SLTM: variants seen among roughly 807,000 people sequenced by gnomAD.
SLTM encodes SAFB-like transcription modulator.
Under a neutral mutation model 134.6 loss-of-function variants are expected in SLTM, and 43 were observed. That is an observed-to-expected ratio of 0.32 (90% CI 0.25 to 0.41). The LOEUF (loss-of-function observed/expected upper bound fraction) is 0.41. Ranked by LOEUF, SLTM falls within the 10% of genes least tolerant of loss-of-function variation. The probability of loss-of-function intolerance (pLI) is 1.00; values close to 1 mark genes in which losing one functional copy is unlikely to be tolerated. For synonymous variants in SLTM, 424 were observed against 432.3 expected (o/e 0.98, Z 0.24); for missense variants, 1,055 against 1,288.8 (o/e 0.82, Z 2.78).
chr15:58,907,903 A>C (rs2035976783), intron 5 of SLTM, among the ~76,000 whole-genome samples: 1 of 152,070 alleles, frequency 6.6e-6, no homozygotes, highest in Non-Finnish European at 1.5e-5. Context: ...AAGTCTACCT[A>C]GTATAACTTC....
At chr15:58,902,951 G>C (rs1327263867) in intron 5 of SLTM, among the ~76,000 whole-genome samples, 1 of 151,770 alleles carries the variant, frequency 6.6e-6, no homozygotes, top group African/African-American at 2.4e-5. Flanking sequence ...ACCCAGGCTG[G>C]AGTGCAGTGG....
At chr15:58,909,413 T>C (rs2036099787) in intron 5 of SLTM, among the ~76,000 whole-genome samples, 1 of 152,034 alleles carries the variant, frequency 6.6e-6, no homozygotes, top group South Asian at 2.1e-4. Context: ...ATTCTGAAAA[T>C]TGGTAAATAA....
intron 16 of SLTM, chr15:58,889,105 T>C (rs1381149569): frequency 4.4e-6 from 1 of 227,076 alleles, no homozygotes; most frequent in Admixed American, 5.1e-5. Context: ...CAATCTCAAG[T>C]TTATGACTTC....
At chr15:58,893,464 C>T (rs2034825305) in intron 12 of SLTM, 100 bp from the exon 13 acceptor site, 1 of 784,762 alleles carries the variant, frequency 1.3e-6, no homozygotes, top group Non-Finnish European at 2.0e-6. Context: ...CACACCAATA[C>T]ATGAAATAAA....
At chr15:58,925,389 G>T (rs1216779272) in intron 2 of SLTM, among the ~76,000 whole-genome samples, 1 of 152,176 alleles carries the variant, frequency 6.6e-6, no homozygotes, top group African/African-American at 2.4e-5. Context: ...CCAGGCTGGA[G>T]TGCAGTGGCA....
intron 2 of SLTM, among the ~76,000 whole-genome samples, chr15:58,919,423 T>C (rs961428360): frequency 6.6e-6 from 1 of 152,068 alleles, no homozygotes; most frequent in South Asian, 2.1e-4. Context: ...GTGAGATCCC[T>C]ATCTCTTCAA....
chr15:58,907,411 C>T (rs1044129980), intron 5 of SLTM, among the ~76,000 whole-genome samples: 5 of 152,136 alleles, frequency 3.3e-5, no homozygotes, highest in African/African-American at 1.2e-4. Flanking sequence ...TGCTTGGGCT[C>T]AGGAGTTTGA....
In SLTM at chr15:58,933,153, G is replaced by A. The variant is rs977727479; in HGVS notation, c.162+251C>T. Among the ~76,000 whole-genome samples the A allele has an allele frequency of 2.0e-5, 3 of 151,976 alleles. No homozygotes were observed. In the East Asian group the frequency reaches 5.8e-4, roughly 29 times the overall value. ...CCTCGCAGCCTGGCGGGGACGTCCC[G>A]GGGAGGCGGAGGCACGCTGGGCTGC... On this transcript the variant is annotated intron_variant, in intron 1 of 20. Transcript: ENST00000380516.
chr15:58,914,648 G>A (rs2036506103), intron 3 of SLTM, among the ~76,000 whole-genome samples: 1 of 152,166 alleles, frequency 6.6e-6, no homozygotes. Context: ...GAAAGATCAA[G>A]GGAAGTTACC....
chr15:58,885,735 G>A (rs2034126856), intron 19 of SLTM, among the ~76,000 whole-genome samples: 1 of 152,038 alleles, frequency 6.6e-6, no homozygotes, highest in African/African-American at 2.4e-5. Flanking sequence ...CGTGAGCCGA[G>A]ATCGCACCAC....
At chr15:58,912,515 G>A (rs904168388) in intron 5 of SLTM, 48 bp downstream of exon 5, 10 of 1,473,468 alleles carry the variant, frequency 6.8e-6, no homozygotes, top group Non-Finnish European at 8.5e-6. Flanking sequence ...CCTTTTCCAA[G>A]CCCGTCCACC....
At chr15:58,929,851 C>T (rs116054441) in intron 2 of SLTM, among the ~76,000 whole-genome samples, 421 of 152,180 alleles carry the variant, frequency 2.8e-3, no homozygotes, top group African/African-American at 9.6e-3. Context: ...TGATCAGTAG[C>T]GCTTGGAATT....
intron 19 of SLTM, 135 bp downstream of exon 19, chr15:58,886,840 A>C (rs2034248380): frequency 1.9e-6 from 2 of 1,066,578 alleles, no homozygotes; most frequent in African/African-American, 3.2e-5. Context: ...AATTTAAATA[A>C]AAAATTAATG....
At chr15:58,917,068 T>G (rs2036702512) in intron 2 of SLTM, 69 bp from the exon 3 acceptor site, 2 of 1,449,350 alleles carry the variant, frequency 1.4e-6, no homozygotes, top group Admixed American at 1.7e-5. Context: ...TATTCAGAGT[T>G]TACCCTGCAA....
chr15:58,908,634 G>A (rs1308721934), intron 5 of SLTM, among the ~76,000 whole-genome samples: 1 of 151,958 alleles, frequency 6.6e-6, no homozygotes, highest in Non-Finnish European at 1.5e-5. Context: ...CTTCCAAAGT[G>A]CTGTGATTAC....
chr15:58,901,272 C>T lies in SLTM; in HGVS notation c.577G>A (p.Glu193Lys), dbSNP rs754144680. 1 of 1,605,200 alleles carries T rather than the reference C, an allele frequency of 6.2e-7. No individual in the cohort carries two copies. Among genetic ancestry groups the T allele is most frequent in the Non-Finnish European group, 8.5e-7 (1 of 1,176,594 alleles). Residue 193 changes from glutamate to lysine, a missense_variant, in exon 6 of 21, where the codon GAA (glutamate) becomes AAA (lysine). Physicochemically the swap from Glu to Lys is moderately conservative, Grantham distance 56. Coordinates refer to ENST00000380516, the MANE Select transcript of SLTM (RefSeq NM_024755.4). ...FLTAQDGEEE[E>K]NEKDIAGSGD... is the part of the protein sequence containing the mutation. ...GCATCAAACATACCTTTCTCATTTTCTTCTTCCTCACCATCCTGAAATTCA... is the reference window on the plus strand; with the variant it reads ...GCATCAAACATACCTTTCTCATTTTTTTCTTCCTCACCATCCTGAAATTCA...
At chr15:58,892,856 C>T (rs755630603) in intron 14 of SLTM, 41 bp downstream of exon 14, 2 of 1,555,858 alleles carry the variant, frequency 1.3e-6, no homozygotes, top group Non-Finnish European at 1.7e-6. Flanking sequence ...TAAATATTTA[C>T]CTATATTTAA....
chr15:58,884,800 A>T (rs2034048189), intron 19 of SLTM, among the ~76,000 whole-genome samples: 1 of 151,812 alleles, frequency 6.6e-6, no homozygotes, highest in Non-Finnish European at 1.5e-5. Context: ...GCCCATCTTT[A>T]ATTTTAATTT....
At chr15:58,890,047 G>A in intron 15 of SLTM, 1 of 550,918 alleles carries the variant, frequency 1.8e-6, no homozygotes, top group Non-Finnish European at 3.2e-6. Context: ...CAGACTATTA[G>A]GCTGCCATGA....
Sources: allele counts gnomAD v4.1 joint callset (sites outside exome capture counted in the v4.1 genomes callset), GRCh38; gene constraint gnomAD v4.1.1; transcripts MANE v1.5; gene names NCBI Gene and HGNC (gene_info 2026-07-23, HGNC 2026-07-21).